Variants in ZFYVE26 observed in about 807,000 individuals in gnomAD.
ZFYVE26 encodes the protein zinc finger FYVE domain-containing protein 26.
A neutral mutation model predicts 276.5 loss-of-function variants in ZFYVE26; 181 were observed. The observed-to-expected ratio is 0.65, with a 90% confidence interval of 0.58 to 0.74. ZFYVE26 has a LOEUF of 0.74. Among genes scored for constraint, ZFYVE26 ranks in the 30% least tolerant of loss-of-function variants. The pLI is 0.00. For missense variants in ZFYVE26, 2,821 were observed against 3,097.9 expected, an observed-to-expected ratio of 0.91 and a Z score of 2.12; for synonymous variants, 1,129 against 1,203.1, an observed-to-expected ratio of 0.94 and a Z score of 1.27.
At chr14:67,765,988 G>A (rs2039045968) in intron 32 of ZFYVE26, among the ~76,000 whole-genome samples, 1 of 152,198 alleles carries the variant, frequency 6.6e-6, no homozygotes, top group Non-Finnish European at 1.5e-5. Flanking sequence ...GGTATAGCTA[G>A]AGTAAACTCT....
At chr14:67,807,975 C>T (rs1871583256) in intron 4 of ZFYVE26, 55 bp from the exon 5 acceptor site, 1 of 1,592,938 alleles carries the variant, frequency 6.3e-7, no homozygotes, top group South Asian at 1.1e-5. Flanking sequence ...AATGGTATCA[C>T]TTGTGTGCCT....
chr14:67,758,907 T>A (rs1485758061), intron 35 of ZFYVE26, among the ~76,000 whole-genome samples: 4 of 152,070 alleles, frequency 2.6e-5, no homozygotes, highest in Non-Finnish European at 5.9e-5. Flanking sequence ...TGTGCTGGGA[T>A]CACAGGTGTG....
intron 35 of ZFYVE26, among the ~76,000 whole-genome samples, chr14:67,756,982 AT>A (rs2038794658): frequency 6.6e-6 from 1 of 151,998 alleles, no homozygotes; most frequent in African/African-American, 2.4e-5. Flanking sequence ...CTGTGTCTCC[AT>A]TCTTTTAGTT....
At position 67,804,254 on chromosome 14, in the gene ZFYVE26, G is replaced by T. The variant is rs768844422; in HGVS notation, c.1282C>A (p.Pro428Thr). Residue 428 changes from proline (P) to threonine (T), a missense_variant, in exon 9 of 42, where the codon CCA becomes ACA. Transcript: ENST00000347230. ...WCIQQSSNPI[P>T]KRDLLYHLHG... is the part of the protein sequence containing the mutation. Reference sequence around the variant, plus strand: ...AAATGATACAACAGATCTCTCTTTGGTATGGGGTTGCTGAATGGAAAAGTT... The same window carrying T: ...AAATGATACAACAGATCTCTCTTTGTTATGGGGTTGCTGAATGGAAAAGTT... The T allele has an allele frequency of 3.1e-6, 5 of 1,614,186 alleles. No individual in the cohort carries two copies. Among genetic ancestry groups the T allele is most frequent in the Non-Finnish European group, 3.4e-6 (4 of 1,180,030 alleles).
chr14:67,775,729 AG>A lies in ZFYVE26; in HGVS notation c.5221+130del, dbSNP rs1258573721. 3 of 1,291,866 alleles carry A rather than the reference AG, an allele frequency of 2.3e-6. No homozygotes were observed. In the Admixed American group the frequency reaches 5.7e-5, roughly 24 times the overall value. 80.0% of individuals were successfully genotyped at this position (1,291,866 alleles called of 1,614,324 possible). A position where few individuals can be genotyped will look rare whatever the true frequency, so the allele number is the denominator to read the frequency against. ...GATCTCTCCTATATAATAAAGAGATAGCTCTTCTGAAGTGTATTCATTCACT... is the reference window on the plus strand; with the variant it reads ...GATCTCTCCTATATAATAAAGAGATACTCTTCTGAAGTGTATTCATTCACT... On this transcript the variant is annotated intron_variant, in intron 26 of 41. Transcript: ENST00000347230.
At chr14:67,743,189 T>C (rs2038439075), downstream of ZFYVE26, among the ~76,000 whole-genome samples, 1 of 152,060 alleles carries the variant, frequency 6.6e-6, no homozygotes, top group African/African-American at 2.4e-5. Flanking sequence ...CAACACTCCT[T>C]AATACTATAT....
In ZFYVE26 at chr14:67,755,253, A is replaced by G; in HGVS notation, c.6787-3T>C. 6.2e-7 allele frequency: 1 copy of G among 1,614,134 alleles called. No homozygotes were observed. The highest frequency in any genetic ancestry group is 8.5e-7 in the Non-Finnish European group (1 of 1,180,024). ...GTCATGGCGGCCCGAACTTGGTCCTAGAAGAGGAAAATAAATGTTCAGGTC... is the reference window on the plus strand; with the variant it reads ...GTCATGGCGGCCCGAACTTGGTCCTGGAAGAGGAAAATAAATGTTCAGGTC... On this transcript the variant is annotated splice_polypyrimidine_tract_variant and splice_region_variant and intron_variant, in intron 36 of 41. Transcript: ENST00000347230.
In ZFYVE26 at chr14:67,783,448, A is replaced by C; in HGVS notation, c.3704T>G (p.Leu1235Arg). 8 of 1,614,154 alleles carry C rather than the reference A, an allele frequency of 5.0e-6. No homozygotes were observed. Among genetic ancestry groups the C allele is most frequent in the Non-Finnish European group, 6.8e-6 (8 of 1,180,036 alleles). The change falls in exon 21 of 42, where the codon CTT becomes CGT. Residue 1235 changes from leucine (L) to arginine (R), a missense_variant. Transcript: ENST00000347230. The stretch of plus-strand genomic sequence containing the variant: ...GCTTTGCCGGGATGAGCAAAGAGCA[A>C]GGGGCTCACAGCAGCAGCTGACGAT... Reference protein sequence around the residue: ...QVIVSCCCEPLALCSSRQSQQ... With the variant: ...QVIVSCCCEPRALCSSRQSQQ...
At chr14:67,744,381 TC>T (rs1408844266), downstream of ZFYVE26, among the ~76,000 whole-genome samples, 4 of 152,208 alleles carry the variant, frequency 2.6e-5, no homozygotes, top group African/African-American at 9.7e-5. Flanking sequence ...TGTTTTTAGA[TC>T]TTTTTTAATT....
intron 28 of ZFYVE26, among the ~76,000 whole-genome samples, chr14:67,771,002 A>G (rs1754951616): frequency 6.6e-6 from 1 of 151,838 alleles, no homozygotes; most frequent in African/African-American, 2.4e-5. Context: ...GTTCAGGGGC[A>G]CATGTGCAGG....
rs766376935 is a variant in ZFYVE26, at chr14:67,783,198, C to T, written c.3954G>A (p.Val1318=). 6.2e-7 allele frequency: 1 copy of T among 1,612,296 alleles called. No homozygotes were observed. Among genetic ancestry groups the T allele is most frequent in the South Asian group, 1.1e-5 (1 of 90,954 alleles). The change falls in exon 21 of 42, where the codon GTG becomes GTA. Residue 1318 remains valine, a synonymous_variant. Transcript: ENST00000347230. The part of the protein sequence containing the change: ...LKSRSKLLAT[V]ACLGASPRLK... The stretch of plus-strand genomic sequence containing the variant: ...ACCTCGGGGAAGCCCCCAGGCAGGC[C>T]ACCGTAGCTAGGAGCTTTGAGCGTG...
intron 4 of ZFYVE26, among the ~76,000 whole-genome samples, chr14:67,808,815 T>C (rs1314899683): frequency 6.6e-6 from 1 of 152,110 alleles, no homozygotes; most frequent in Non-Finnish European, 1.5e-5. Flanking sequence ...AACTGATACA[T>C]GCTATAACGA....
At chr14:67,763,920 G>A (rs1161176114) in intron 32 of ZFYVE26, among the ~76,000 whole-genome samples, 1 of 152,138 alleles carries the variant, frequency 6.6e-6, no homozygotes, top group Non-Finnish European at 1.5e-5. Flanking sequence ...CACAGATTCA[G>A]TATCAATGGC....
At chr14:67,813,964 A>T (rs2040349753) in intron 3 of ZFYVE26, 22 bp downstream of exon 3, 1 of 1,593,834 alleles carries the variant, frequency 6.3e-7, no homozygotes, top group African/African-American at 1.3e-5. Context: ...CTCGGAGGAA[A>T]ATTTAATATA....
At chr14:67,800,293 A>G (rs529038428) in intron 10 of ZFYVE26, among the ~76,000 whole-genome samples, 6 of 152,306 alleles carry the variant, frequency 3.9e-5, no homozygotes, top group African/African-American at 1.4e-4. Context: ...TCAGCTTTAT[A>G]ATAGACAGCC....
chr14:67,786,256 G>GAAA, intron 16 of ZFYVE26, 23 bp from the exon 17 acceptor site: 1 of 471,666 alleles, frequency 2.1e-6, no homozygotes, highest in Admixed American at 8.4e-5. Context: ...GAAGGAAGAG[G>GAAA]GAATGCAAAA....
intron 13 of ZFYVE26, among the ~76,000 whole-genome samples, chr14:67,735,741 G>A (rs1330095877): frequency 6.6e-6 from 1 of 152,178 alleles, no homozygotes; most frequent in African/African-American, 2.4e-5. Context: ...GACACCCTTA[G>A]CTAATCTAGC....
intron 31 of ZFYVE26, 79 bp downstream of exon 31, chr14:67,767,625 C>T: frequency 6.3e-7 from 1 of 1,591,198 alleles, no homozygotes; most frequent in Non-Finnish European, 8.6e-7. Flanking sequence ...CAGGTGTGTT[C>T]ACCTACCTCT....
intron 28 of ZFYVE26, among the ~76,000 whole-genome samples, chr14:67,771,498 G>C (rs2140206539): frequency 1.3e-5 from 2 of 152,342 alleles, no homozygotes; most frequent in Admixed American, 1.3e-4. Context: ...GTTTTCATCA[G>C]CGTTGAGCTG....
Sources: allele counts gnomAD v4.1 joint callset (sites outside exome capture counted in the v4.1 genomes callset), GRCh38; gene constraint gnomAD v4.1.1; transcripts MANE v1.5; gene names NCBI Gene and HGNC (gene_info 2026-07-23, HGNC 2026-07-21).